The following SEH1L variants were observed in gnomAD, a reference collection of about 807,000 sequenced individuals.
SEH1L encodes the protein SEH1 like nucleoporin, also known as nucleoporin SEH1.
Under a neutral mutation model 49.5 loss-of-function variants are expected in SEH1L, and 18 were observed. The observed-to-expected ratio is 0.36, with a 90% CI of 0.25 to 0.54. The LOEUF is 0.54. Among genes scored for constraint, SEH1L ranks in the 20% least tolerant of loss-of-function variants. The pLI is 0.87. For missense variants in SEH1L, 404 were observed against 528.8 expected (o/e 0.76, Z 2.31); for synonymous variants, 169 against 178.1 (o/e 0.95, Z 0.41).
chr18:12,962,050 A>G (rs1463590044), intron 3 of SEH1L, among the ~76,000 whole-genome samples: 1 of 152,196 alleles, frequency 6.6e-6, no homozygotes, highest in Non-Finnish European at 1.5e-5. Flanking sequence ...TACAGTGATC[A>G]TAAAGCTTGC....
At chr18:12,980,970 C>G (rs1237719220) in intron 6 of SEH1L, among the ~76,000 whole-genome samples, 1 of 150,434 alleles carries the variant, frequency 6.6e-6, no homozygotes, top group South Asian at 2.1e-4. Context: ...CGGAGATGCT[C>G]CTCACTTCCC....
At chr18:12,979,213 C>A (rs1287528421) in intron 6 of SEH1L, among the ~76,000 whole-genome samples, 18 of 146,716 alleles carry the variant, frequency 1.2e-4, no homozygotes, top group Non-Finnish European at 2.2e-4. Context: ...GAGGACCCTG[C>A]GGCCTTCTGC....
intron 2 of SEH1L, among the ~76,000 whole-genome samples, chr18:12,953,667 T>C (rs2030684854): frequency 6.6e-6 from 1 of 152,188 alleles, no homozygotes; most frequent in South Asian, 2.1e-4. Context: ...CCCCCCCCCT[T>C]TTAAGGTGAG....
intron 5 of SEH1L, chr18:12,973,609 C>T (rs1422626221): frequency 6.6e-6 from 1 of 152,116 alleles, no homozygotes; most frequent in Non-Finnish European, 1.5e-5. Context: ...CTAGAAATTA[C>T]CTAAGTATTT....
In SEH1L at chr18:12,986,887, CCACGGGCTGG is replaced by C; in HGVS notation, c.1097_1106del (p.Pro366HisfsTer19). ...GTATTTCTTTACCCCTCTGGATTCC[CCACGGGCTGG>C]ATCGAGATGGTCCAGTTATGCCCAG... On this transcript the variant is annotated frameshift_variant, in exon 9 of 9. Transcript: ENST00000399892. LOFTEE classifies it high-confidence loss of function. 1 of 1,606,926 alleles carries C rather than the reference CCACGGGCTGG, an allele frequency of 6.2e-7. No homozygotes were observed. Among genetic ancestry groups the C allele is most frequent in the South Asian group, 1.1e-5 (1 of 90,510 alleles).
chr18:12,979,035 G>A lies in SEH1L; in HGVS notation c.761+143G>A, dbSNP rs1410776016. The A allele has an allele frequency of 4.0e-6, 3 of 748,104 alleles. No individual in the cohort carries two copies. In the African/African-American group the frequency reaches 5.4e-5, roughly 13 times the overall value. The allele number at this position is 748,104 out of a possible 1,614,324, so 46.3% of individuals were successfully genotyped here. A position where few individuals can be genotyped will look rare whatever the true frequency, so the allele number is the denominator to read the frequency against. Reference sequence around the variant, plus strand: ...TACTTAAAAATGTAAACTTTGAAATGTTTTTTAAAAATGGTCTTTTACAGT... The same window carrying A: ...TACTTAAAAATGTAAACTTTGAAATATTTTTTAAAAATGGTCTTTTACAGT... On this transcript the variant is annotated intron_variant, in intron 6 of 8. Transcript: ENST00000399892.
At chr18:12,965,347 A>T (rs1199862587) in intron 4 of SEH1L, among the ~76,000 whole-genome samples, 5 of 152,182 alleles carry the variant, frequency 3.3e-5, no homozygotes, top group African/African-American at 1.2e-4. Context: ...TATACTGGCA[A>T]GATTTATAAT....
intron 1 of SEH1L, 99 bp downstream of exon 1, chr18:12,948,331 C>G: frequency 1.2e-6 from 1 of 851,768 alleles, no homozygotes; most frequent in Non-Finnish European, 1.9e-6. Context: ...TCAGTGACGC[C>G]GCTGGAAGCT....
intron 3 of SEH1L, among the ~76,000 whole-genome samples, chr18:12,960,819 A>G (rs796645007): frequency 2.6e-4 from 39 of 152,362 alleles, no homozygotes; most frequent in African/African-American, 9.1e-4. Flanking sequence ...TGGCAAATCC[A>G]TATGGGTCTG....
intron 8 of SEH1L, chr18:12,985,114 G>C (rs2032412675): frequency 4.1e-6 from 4 of 982,930 alleles, no homozygotes; most frequent in Non-Finnish European, 6.1e-6. Context: ...GTCACTGCCT[G>C]TACTGCATAT....
At chr18:12,949,177 A>G (rs779160037) in intron 1 of SEH1L, among the ~76,000 whole-genome samples, 3 of 151,274 alleles carry the variant, frequency 2.0e-5, no homozygotes, top group Admixed American at 6.6e-5. Flanking sequence ...TACAAGCAGA[A>G]TTTCTAATGT....
intron 4 of SEH1L, among the ~76,000 whole-genome samples, chr18:12,964,705 G>A (rs368589849): frequency 6.9e-6 from 1 of 145,836 alleles, no homozygotes; most frequent in Non-Finnish European, 1.5e-5. Flanking sequence ...GCATGATCTC[G>A]GCTCACTGCA....
chr18:12,978,617 G>A lies in SEH1L; in HGVS notation c.621-135G>A, dbSNP rs116792109. On this transcript the variant is annotated intron_variant, in intron 5 of 8. Transcript: ENST00000399892. ...CAGGACTTGGACATATTCTTTTGGG[G>A]GCTGCTGTTGAGCCCACTACAGAGG... 3.2e-3 allele frequency: 2,036 copies of A among 634,050 alleles called. 29 individuals are homozygous for A. In the African/African-American group the frequency reaches 0.034, roughly 10 times the overall value. 39.3% of individuals were successfully genotyped at this position (634,050 alleles called of 1,614,324 possible). A position where few individuals can be genotyped will look rare whatever the true frequency, so the allele number is the denominator to read the frequency against.
chr18:12,975,912 G>A (rs2031898806), intron 5 of SEH1L: 2 of 979,380 alleles, frequency 2.0e-6, no homozygotes, highest in Non-Finnish European at 2.4e-6. Context: ...CTAGCTGATG[G>A]TAGTGCCACT....
intron 3 of SEH1L, among the ~76,000 whole-genome samples, chr18:12,958,328 C>A (rs1438670731): frequency 6.6e-6 from 1 of 151,602 alleles, no homozygotes; most frequent in Non-Finnish European, 1.5e-5. Flanking sequence ...TCAAATGATT[C>A]TCCTGCCTTG....
rs768917134 is a variant in SEH1L, at chr18:12,963,242, C to T, written c.392C>T (p.Ala131Val). 1.2e-6 allele frequency: 2 copies of T among 1,614,046 alleles called. No individual in the cohort carries two copies. The highest frequency in any genetic ancestry group is 1.7e-6 in the Non-Finnish European group (2 of 1,179,974). ...CCCAAGCACATGGGTCTTATGTTAG[C>T]AACCTGTTCCGCAGATGGTATAGTA... ...FAPKHMGLML[A>V]TCSADGIVRI... The change falls in exon 4 of 9, where the codon GCA (alanine) becomes GTA (valine). Residue 131 changes from alanine (A) to valine (V), a missense_variant. By Grantham distance (64) the Ala-to-Val change is moderately conservative. Transcript: ENST00000399892.
intron 5 of SEH1L, chr18:12,976,975 CA>C (rs534326620): frequency 0.064 from 6,300 of 99,128 alleles, 104 homozygotes; most frequent in Middle Eastern, 0.11. Context: ...GACTCTGTCT[CA>C]AAAAAAAAAA....
chr18:12,959,011 T>C (rs192723314), intron 3 of SEH1L, among the ~76,000 whole-genome samples: 1 of 152,328 alleles, frequency 6.6e-6, no homozygotes, highest in Non-Finnish European at 1.5e-5. Context: ...TCAGCACTTG[T>C]TGTGGTGCTA....
intron 3 of SEH1L, among the ~76,000 whole-genome samples, chr18:12,957,608 G>A (rs1460643372): frequency 6.6e-6 from 1 of 152,204 alleles, no homozygotes; most frequent in African/African-American, 2.4e-5. Context: ...ATTTTCATAT[G>A]AAGGTATTAT....
Sources: gnomAD v4.1 joint callset for allele counts (sites outside exome capture counted in the v4.1 genomes callset) on GRCh38, gnomAD v4.1.1 for gene constraint, MANE v1.5 for transcripts, NCBI Gene and HGNC (gene_info 2026-07-23, HGNC 2026-07-21) for gene names.